Variants in DOK5 observed in about 807,000 individuals in gnomAD.
DOK5 encodes the protein docking protein 5.
A neutral mutation model predicts 43.3 loss-of-function variants in DOK5; 27 were observed. The ratio of observed to expected loss-of-function variants is 0.62; its 90% CI spans 0.46 to 0.86. DOK5 has a LOEUF of 0.86. Among genes scored for constraint, DOK5 ranks in the 40% least tolerant of loss-of-function variants. DOK5 has a pLI of 0.00. For missense variants in DOK5, 373 were observed against 392.9 expected (o/e 0.95, Z 0.43); for synonymous variants, 146 against 140.1 (o/e 1.04, Z -0.30).
chr20:54,630,779 A>G (rs1978526883), intron 6 of DOK5, among the ~76,000 whole-genome samples: 2 of 152,210 alleles, frequency 1.3e-5, no homozygotes, highest in Admixed American at 1.3e-4. Context: ...TTGCCAACTC[A>G]TCTACTTTTT....
At chr20:54,593,578 G>A (rs1314252222) in intron 5 of DOK5, among the ~76,000 whole-genome samples, 1 of 152,156 alleles carries the variant, frequency 6.6e-6, no homozygotes, top group Non-Finnish European at 1.5e-5. Flanking sequence ...TGTAATCCAA[G>A]CACTTCGGGA....
intron 2 of DOK5, among the ~76,000 whole-genome samples, chr20:54,574,676 A>G (rs1239141398): frequency 1.3e-5 from 2 of 152,210 alleles, no homozygotes; most frequent in African/African-American, 2.4e-5. Context: ...ATTGTGGAGT[A>G]GAAACAGGAA....
At chr20:54,495,716 C>T (rs1241925747) in intron 1 of DOK5, among the ~76,000 whole-genome samples, 1 of 152,074 alleles carries the variant, frequency 6.6e-6, no homozygotes, top group Non-Finnish European at 1.5e-5. Context: ...CGTAGTGAAA[C>T]CCCATCTCTA....
chr20:54,577,272 T>C (rs1433277044), intron 2 of DOK5, among the ~76,000 whole-genome samples: 1 of 152,242 alleles, frequency 6.6e-6, no homozygotes, highest in East Asian at 1.9e-4. Context: ...AATCATTCAG[T>C]ATTCTGTGTT....
intron 6 of DOK5, among the ~76,000 whole-genome samples, chr20:54,634,357 C>T (rs994557889): frequency 2.0e-5 from 3 of 150,468 alleles, no homozygotes; most frequent in East Asian, 1.9e-4. Context: ...AGCCAGTTGT[C>T]GGTCAGGTCT....
chr20:54,631,842 C>T (rs571438199), intron 6 of DOK5, among the ~76,000 whole-genome samples: 6 of 152,136 alleles, frequency 3.9e-5, no homozygotes, highest in East Asian at 3.9e-4. Context: ...CATTGTGGCA[C>T]GTGCCTGTAG....
At chr20:54,506,958 C>T (rs1231678693) in intron 1 of DOK5, among the ~76,000 whole-genome samples, 2 of 152,168 alleles carry the variant, frequency 1.3e-5, no homozygotes, top group African/African-American at 4.8e-5. Context: ...TAGCCATTTA[C>T]AGTTTATTTA....
intron 1 of DOK5, among the ~76,000 whole-genome samples, chr20:54,534,051 G>C (rs6098051): frequency 0.029 from 4,390 of 152,270 alleles, 206 homozygotes; most frequent in African/African-American, 0.1. Flanking sequence ...AATTCAAAAA[G>C]AAAATAGCCA....
chr20:54,618,338 C>T (rs1986877455), intron 6 of DOK5, among the ~76,000 whole-genome samples: 1 of 137,682 alleles, frequency 7.3e-6, no homozygotes, highest in Non-Finnish European at 1.5e-5. Flanking sequence ...AGCATTTTCC[C>T]TTTTTTTTCC....
intron 7 of DOK5, among the ~76,000 whole-genome samples, chr20:54,645,784 C>T (rs1239452104): frequency 6.6e-6 from 1 of 152,018 alleles, no homozygotes; most frequent in South Asian, 2.1e-4. Flanking sequence ...TCATTTTATC[C>T]CCCGGCACCT....
chr20:54,506,005 G>T (rs1285885549), intron 1 of DOK5, among the ~76,000 whole-genome samples: 2 of 152,198 alleles, frequency 1.3e-5, no homozygotes, highest in Non-Finnish European at 2.9e-5. Flanking sequence ...GGGATAGTGT[G>T]CTTTGGATTG....
chr20:54,553,487 G>A (rs959191705), intron 1 of DOK5, among the ~76,000 whole-genome samples: 54 of 150,976 alleles, frequency 3.6e-4, no homozygotes, highest in East Asian at 1.4e-3. Context: ...GAGCCACCGC[G>A]CCCGGCCTGA....
chr20:54,599,214 T>A (rs768826693), intron 5 of DOK5, among the ~76,000 whole-genome samples: 2 of 152,188 alleles, frequency 1.3e-5, no homozygotes, highest in Non-Finnish European at 2.9e-5. Flanking sequence ...AGTATGACAA[T>A]TAGAATACAA....
chr20:54,549,710 G>A (rs1984461138), intron 1 of DOK5, among the ~76,000 whole-genome samples: 1 of 152,128 alleles, frequency 6.6e-6, no homozygotes, highest in Non-Finnish European at 1.5e-5. Flanking sequence ...TGTCATTGAA[G>A]TTTGGGTCTG....
intron 1 of DOK5, among the ~76,000 whole-genome samples, chr20:54,528,842 A>ATATATTTTATATATTTTAT (rs1983667599): frequency 6.6e-6 from 1 of 152,170 alleles, no homozygotes; most frequent in South Asian, 2.1e-4. Flanking sequence ...ATTTTAAAAT[A>ATATATTTTATATATTTTAT]ATGAGTTAAA....
intron 1 of DOK5, among the ~76,000 whole-genome samples, chr20:54,540,086 C>G (rs1234824124): frequency 6.6e-6 from 1 of 151,902 alleles, no homozygotes; most frequent in East Asian, 1.9e-4. Flanking sequence ...GGAACTTAGT[C>G]TTGGTGACTA....
At chr20:54,539,336 G>A (rs1038326589) in intron 1 of DOK5, among the ~76,000 whole-genome samples, 1 of 151,068 alleles carries the variant, frequency 6.6e-6, no homozygotes, top group African/African-American at 2.4e-5. Context: ...TGGTTCCAGG[G>A]CTTAAGGCAG....
chr20:54,506,815 A>C (rs1982821761), intron 1 of DOK5, among the ~76,000 whole-genome samples: 1 of 152,134 alleles, frequency 6.6e-6, no homozygotes, highest in African/African-American at 2.4e-5. Context: ...ACAATGACTG[A>C]GTTCTGGTTT....
intron 7 of DOK5, among the ~76,000 whole-genome samples, chr20:54,648,133 A>C (rs1314245273): frequency 6.6e-6 from 1 of 152,158 alleles, no homozygotes; most frequent in Non-Finnish European, 1.5e-5. Flanking sequence ...TGGGTCCAAG[A>C]CTACCTATCT....
Sources: allele counts gnomAD v4.1 joint callset (sites outside exome capture counted in the v4.1 genomes callset), GRCh38; gene constraint gnomAD v4.1.1; transcripts MANE v1.5; gene names NCBI Gene and HGNC (gene_info 2026-07-23, HGNC 2026-07-21).